The following ZBTB39 variants were observed in gnomAD, a reference collection of about 807,000 sequenced individuals.
ZBTB39 encodes zinc finger and BTB domain-containing protein 39.
ZBTB39 carries 25 observed loss-of-function variants against 39.4 expected under a neutral mutation model. The ratio of observed to expected loss-of-function variants is 0.63; its 90% CI spans 0.46 to 0.89. The LOEUF (loss-of-function observed/expected upper bound fraction) is 0.89. Ranked by LOEUF, ZBTB39 falls within the 40% of genes least tolerant of loss-of-function variation. The pLI is 0.00. For synonymous variants in ZBTB39, 373 were observed against 359.6 expected, an observed-to-expected ratio of 1.04 and a Z score of -0.42; for missense variants, 891 against 909.7, an observed-to-expected ratio of 0.98 and a Z score of 0.26.
At position 57,003,535 on chromosome 12, in the gene ZBTB39, G is replaced by A; in HGVS notation, c.1383C>T (p.Ala461=). 1 of 1,614,078 alleles carries A rather than the reference G, an allele frequency of 6.2e-7. No individual in the cohort carries two copies. Among genetic ancestry groups the A allele is most frequent in the Non-Finnish European group, 8.5e-7 (1 of 1,179,948 alleles). Residue 461 remains alanine, a synonymous_variant, in exon 2 of 2, where the codon GCC becomes GCT. Transcript: ENST00000300101. The surrounding 1 kb of genome is among the most constrained non-coding windows in gnomAD (Gnocchi z 4.8). ...GGCCCCGGACCACATGGAAATCTTT[G>A]GCCAATACTTTCCCACAGGCAGCGC... ...LKCAACGKVL[A]KDFHVVRGHI...
chr12:57,004,963 T>C lies in ZBTB39; in HGVS notation c.-44-2A>G. ...TACCTCCTTATCAGCACAGTTAATC[T>C]GTGGATAGCAAGAGAAAAAGATGGA... is the stretch of plus-strand genomic sequence containing the variant. On this transcript the variant is annotated splice_acceptor_variant, in intron 1 of 1. Coordinates refer to ENST00000300101, the MANE Select transcript of ZBTB39 (RefSeq NM_014830.3). LOFTEE classifies it low-confidence loss of function (5UTR_SPLICE). 1 of 1,522,030 alleles carries C rather than the reference T, an allele frequency of 6.6e-7. No homozygotes were observed. Among genetic ancestry groups the C allele is most frequent in the Non-Finnish European group, 8.8e-7 (1 of 1,130,810 alleles). The allele number at this position is 1,522,030 out of a possible 1,614,324, so 94.3% of individuals were successfully genotyped here. A position where few individuals can be genotyped will look rare whatever the true frequency, so the allele number is the denominator to read the frequency against.
intron 1 of ZBTB39, among the ~76,000 whole-genome samples, chr12:57,006,003 G>A (rs1956242851): frequency 6.6e-6 from 1 of 152,208 alleles, no homozygotes; most frequent in African/African-American, 2.4e-5. Context: ...CTGAACGATG[G>A]GCGGGTCGGA....
At position 57,004,130 on chromosome 12, in the gene ZBTB39, G is replaced by T; in HGVS notation, c.788C>A (p.Pro263His). ...AGTGGTAATGTCTACTGCATTGTCA[G>T]GGGTGAGGAAGCTGTTTTTACTGAA... ...GDFSKNSFLT[P>H]DNAVDITTGT... The change falls in exon 2 of 2, where the codon CCT becomes CAT. Residue 263 changes from proline to histidine, a missense_variant. Pro to His is a moderately conservative substitution (Grantham distance 77, BLOSUM62 -2). Coordinates refer to ENST00000300101, the MANE Select transcript of ZBTB39 (RefSeq NM_014830.3). 2 of 1,614,220 alleles carry T rather than the reference G, an allele frequency of 1.2e-6. No individual in the cohort carries two copies. The highest frequency in any genetic ancestry group is 1.7e-6 in the Non-Finnish European group (2 of 1,180,044).
chr12:57,006,222 G>C (rs1312380686), intron 1 of ZBTB39, among the ~76,000 whole-genome samples, 183 bp downstream of exon 1: 1 of 152,046 alleles, frequency 6.6e-6, no homozygotes, highest in Non-Finnish European at 1.5e-5. Flanking sequence ...AGCCTGTTGG[G>C]GGCATGGGGC....
In ZBTB39 at chr12:56,999,578, G is replaced by C. The variant is rs188138210; in HGVS notation, c.*3201C>G. ...TTCTTCCTAACTAGCCATGGACTACGGGAACTCCATGGAGTCATAAAATTT... is the reference window on the plus strand; with the variant it reads ...TTCTTCCTAACTAGCCATGGACTACCGGAACTCCATGGAGTCATAAAATTT... On this transcript the variant is annotated 3_prime_UTR_variant, in exon 2 of 2. Transcript: ENST00000300101. 6.6e-6 allele frequency: 1 copy of C among 152,106 alleles called. No individual in the cohort carries two copies. Among genetic ancestry groups the C allele is most frequent in the Non-Finnish European group, 1.5e-5 (1 of 68,016 alleles). The allele number at this position is 152,106 out of a possible 1,614,324, so 9.4% of individuals were successfully genotyped here.
Position 57,006,523 on chromosome 12 carries a change from C to T in ZBTB39, c.-163G>A, listed in dbSNP as rs1391465095. 1 of 145,914 alleles carries T rather than the reference C, an allele frequency of 6.9e-6. No individual in the cohort carries two copies. Among genetic ancestry groups the T allele is most frequent in the Admixed American group, 6.8e-5 (1 of 14,720 alleles). The allele number at this position is 145,914 out of a possible 1,614,324, so 9.0% of individuals were successfully genotyped here. On this transcript the variant is annotated 5_prime_UTR_variant, in exon 1 of 2. Transcript: ENST00000300101. ...CGGCCGCGGCCAGACTCTCCATCCG[C>T]CGCGCGGCTCGCCGCGACGGCCCGG...
In ZBTB39 at chr12:57,004,396, C is replaced by A; in HGVS notation, c.522G>T (p.Leu174Phe). The A allele has an allele frequency of 1.2e-6, 2 of 1,614,178 alleles. No individual in the cohort carries two copies. Among genetic ancestry groups the A allele is most frequent in the Non-Finnish European group, 8.5e-7 (1 of 1,180,044 alleles). ...TATAGCTCCCTCCAGCATCACTGGG[C>A]AACACATAGTTTCTATCAGCACCAA... ...DYLGADRNYV[L>F]PSDAGGSYKE... Residue 174 changes from leucine to phenylalanine, a missense_variant, in exon 2 of 2, where the codon TTG becomes TTT. By Grantham distance (22) the Leu-to-Phe change is conservative (BLOSUM62 0). Coordinates refer to ENST00000300101, the MANE Select transcript of ZBTB39 (RefSeq NM_014830.3).
Position 57,000,587 on chromosome 12 carries a change from C to T in ZBTB39, c.*2192G>A, listed in dbSNP as rs1956204689. On this transcript the variant is annotated 3_prime_UTR_variant, in exon 2 of 2. Transcript: ENST00000300101. The stretch of plus-strand genomic sequence containing the variant: ...TGCTCATGCTTGAAAATGTAGCAGA[C>T]ACTTGACTGTAGTCTGTTACACATT... 6.6e-6 allele frequency: 1 copy of T among 152,608 alleles called. No homozygotes were observed. The highest frequency in any genetic ancestry group is 2.1e-4 in the South Asian group (1 of 4,830). 9.5% of individuals were successfully genotyped at this position (152,608 alleles called of 1,614,324 possible). A position where few individuals can be genotyped will look rare whatever the true frequency, so the allele number is the denominator to read the frequency against.
rs773932090 is a variant in ZBTB39, at chr12:57,004,295, T to C, written c.623A>G (p.Lys208Arg). The C allele has an allele frequency of 1.9e-5, 30 of 1,614,050 alleles. No individual in the cohort carries two copies. The highest frequency in any genetic ancestry group is 1.6e-4 in the Middle Eastern group (1 of 6,084). ...AGCAGGGGTGTCATGGTCTTCTGTC[T>C]TTGGCGGTGGTGGGGGCGGTTGCGG... is the stretch of plus-strand genomic sequence containing the variant. ...HLPQPPPPPP[K>R]TEDHDTPAPF... Residue 208 changes from lysine (K) to arginine (R), a missense_variant, in exon 2 of 2, where the codon AAG becomes AGG. By Grantham distance (26) the Lys-to-Arg change is conservative. Transcript: ENST00000300101.
In ZBTB39 at chr12:57,003,985, C is replaced by T. The variant is rs1956229080; in HGVS notation, c.933G>A (p.Glu311=). 6.2e-7 allele frequency: 1 copy of T among 1,614,254 alleles called. No individual in the cohort carries two copies. Residue 311 remains glutamate, a synonymous_variant, in exon 2 of 2, where the codon GAG becomes GAA. Transcript: ENST00000300101. The surrounding 1 kb of genome is among the most constrained non-coding windows in gnomAD (Gnocchi z 4.8). ...TCACCTCCTCAGTTGTGCCTATATC[C>T]TCAGCAGGGTCTTCAAACTGCAAGT... ...DDDLQFEDPA[E]DIGTTEEVIE...
rs3741576 is a variant in ZBTB39 at position 57,002,853 on chromosome 12, G to T, written c.2065C>A (p.Pro689Thr). 89 of 1,614,118 alleles carry T rather than the reference G, an allele frequency of 5.5e-5. No individual in the cohort carries two copies. The highest frequency in any genetic ancestry group is 1.3e-4 in the East Asian group (6 of 44,896). ...HVGVHKGSLPPDFTIEQTFMY... is the reference protein window; with the variant it reads ...HVGVHKGSLPTDFTIEQTFMY... ...AAGGTCTGCTCGATGGTGAAGTCAGGGGGGAGGCTGCCTTTGTGCACACCA... is the reference window on the plus strand; with the variant it reads ...AAGGTCTGCTCGATGGTGAAGTCAGTGGGGAGGCTGCCTTTGTGCACACCA... Residue 689 changes from proline (P) to threonine (T), a missense_variant, in exon 2 of 2, where the codon CCT (proline) becomes ACT (threonine). Pro to Thr is a conservative substitution (Grantham distance 38, BLOSUM62 -1). Transcript: ENST00000300101.
At position 57,004,921 on chromosome 12, in the gene ZBTB39, A is replaced by C. The variant is rs770799904; in HGVS notation, c.-4T>G. The C allele has an allele frequency of 1.3e-5, 20 of 1,579,340 alleles. No homozygotes were observed. Among genetic ancestry groups the C allele is most frequent in the Non-Finnish European group, 1.6e-5 (19 of 1,159,566 alleles). On this transcript the variant is annotated 5_prime_UTR_variant, in exon 2 of 2. Transcript: ENST00000300101. ...GCAGTTTGATCCTCATGCCCATCTTAGCAGCTCCTATGAAATTACCTCCTT... is the reference window on the plus strand; with the variant it reads ...GCAGTTTGATCCTCATGCCCATCTTCGCAGCTCCTATGAAATTACCTCCTT...
At position 57,003,316 on chromosome 12, in the gene ZBTB39, T is replaced by C; in HGVS notation, c.1602A>G (p.Glu534=). Residue 534 remains glutamate, a synonymous_variant, in exon 2 of 2, where the codon GAA becomes GAG. Transcript: ENST00000300101. This position sits in a 1 kb window ranked among gnomAD's most constrained non-coding sequence, Gnocchi z 4.8. ...EKHMAVHQSL[E]DALFHCRLCS... ...ACAAGCGGCAGTGGAAGAGGGCGTCTTCCAGACTTTGGTGCACAGCCATGT... is the reference window on the plus strand; with the variant it reads ...ACAAGCGGCAGTGGAAGAGGGCGTCCTCCAGACTTTGGTGCACAGCCATGT... The C allele has an allele frequency of 6.2e-7, 1 of 1,614,020 alleles. No homozygotes were observed. The highest frequency in any genetic ancestry group is 8.5e-7 in the Non-Finnish European group (1 of 1,179,916).
Position 57,000,800 on chromosome 12 carries a change from CAG to C in ZBTB39, c.*1977_*1978del, listed in dbSNP as rs1008532592. ...TCCCTTCATCTAATGGTCACCCCAC[CAG>C]AGAGCCAGGCACTCCAACTCTGAGG... On this transcript the variant is annotated 3_prime_UTR_variant, in exon 2 of 2. Transcript: ENST00000300101. The C allele has an allele frequency of 1.3e-5, 2 of 152,260 alleles. No individual in the cohort carries two copies. The highest frequency in any genetic ancestry group is 4.8e-5 in the African/African-American group (2 of 41,446). 9.4% of individuals were successfully genotyped at this position (152,260 alleles called of 1,614,324 possible). A position where few individuals can be genotyped will look rare whatever the true frequency, so the allele number is the denominator to read the frequency against.
rs1171372816 is a variant in ZBTB39 at position 57,004,034 on chromosome 12, T to A, written c.884A>T (p.Gln295Leu). The A allele has an allele frequency of 3.1e-6, 5 of 1,614,272 alleles. No homozygotes were observed. The Admixed American group carries it at 5.0e-5, about 16-fold the overall frequency. The change falls in exon 2 of 2, where the codon CAG becomes CTG. Residue 295 changes from glutamine (Q) to leucine (L), a missense_variant. Coordinates refer to ENST00000300101, the MANE Select transcript of ZBTB39 (RefSeq NM_014830.3). ...GTCATCATCCCCCAGGTCCTCGAGCTGGAGCTCATCCATCTGCCCAAAGCC... is the reference window on the plus strand; with the variant it reads ...GTCATCATCCCCCAGGTCCTCGAGCAGGAGCTCATCCATCTGCCCAAAGCC... The part of the protein sequence containing the change: ...DPGFGQMDEL[Q>L]LEDLGDDDLQ...
chr12:57,003,025 C>T lies in ZBTB39; in HGVS notation c.1893G>A (p.Lys631=). 5 of 1,614,192 alleles carry T rather than the reference C, an allele frequency of 3.1e-6. No homozygotes were observed. Among genetic ancestry groups the T allele is most frequent in the Non-Finnish European group, 4.2e-6 (5 of 1,180,034 alleles). The change falls in exon 2 of 2, where the codon AAG becomes AAA. Residue 631 remains lysine, a synonymous_variant. Transcript: ENST00000300101. This position sits in a 1 kb window ranked among gnomAD's most constrained non-coding sequence, Gnocchi z 4.8. ...TGTGGCACACCTTACATTGGTATGG[C>T]TTCTCCCCCGTGTGGATCCGCCGGT... ...NYHRRIHTGE[K]PYQCKVCHKF...
In ZBTB39 at chr12:57,003,798, A is replaced by G; in HGVS notation, c.1120T>C (p.Cys374Arg). ...RDHVDLLTGN[C>R]KVCETHFQDR... ...TGGAAGTGGGTCTCGCAGACCTTGCAGTTGCCCGTCAGCAGGTCCACATGG... is the reference window on the plus strand; with the variant it reads ...TGGAAGTGGGTCTCGCAGACCTTGCGGTTGCCCGTCAGCAGGTCCACATGG... Residue 374 changes from cysteine to arginine, a missense_variant, in exon 2 of 2, where the codon TGC becomes CGC. Cys to Arg is a radical substitution (Grantham distance 180, BLOSUM62 -3). Transcript: ENST00000300101. The surrounding 1 kb of genome is among the most constrained non-coding windows in gnomAD (Gnocchi z 4.8). 6.2e-7 allele frequency: 1 copy of G among 1,614,210 alleles called. No individual in the cohort carries two copies. The highest frequency in any genetic ancestry group is 8.5e-7 in the Non-Finnish European group (1 of 1,180,024).
chr12:57,003,002 T>A lies in ZBTB39; in HGVS notation c.1916A>T (p.His639Leu), dbSNP rs563732046. 1.2e-6 allele frequency: 2 copies of A among 1,614,242 alleles called. No individual in the cohort carries two copies. Among genetic ancestry groups the A allele is most frequent in the Non-Finnish European group, 1.7e-6 (2 of 1,180,036 alleles). The stretch of plus-strand genomic sequence containing the variant: ...GGTCGAGCGGCCTCGAAAGAACTTG[T>A]GGCACACCTTACATTGGTATGGCTT... ...GEKPYQCKVC[H>L]KFFRGRSTIK... Residue 639 changes from histidine (H) to leucine (L), a missense_variant, in exon 2 of 2, where the codon CAC (histidine) becomes CTC (leucine). His to Leu is a moderately conservative substitution (Grantham distance 99). Coordinates refer to ENST00000300101, the MANE Select transcript of ZBTB39 (RefSeq NM_014830.3). This position sits in a 1 kb window ranked among gnomAD's most constrained non-coding sequence, Gnocchi z 4.8.
rs1956236444 is a variant in ZBTB39 at position 57,004,907 on chromosome 12, C to A, written c.11G>T (p.Arg4Met). 1 of 1,594,306 alleles carries A rather than the reference C, an allele frequency of 6.3e-7. No homozygotes were observed. Among genetic ancestry groups the A allele is most frequent in the Admixed American group, 1.7e-5 (1 of 58,976 alleles). The change falls in exon 2 of 2, where the codon AGG (arginine) becomes ATG (methionine). Residue 4 changes from arginine (R) to methionine (M), a missense_variant. Coordinates refer to ENST00000300101, the MANE Select transcript of ZBTB39 (RefSeq NM_014830.3). ...GTGGTTGGTGCTTTGCAGTTTGATC[C>A]TCATGCCCATCTTAGCAGCTCCTAT... is the stretch of plus-strand genomic sequence containing the variant. MGM[R>M]IKLQSTNHPN...
Sources: gnomAD v4.1 joint callset for allele counts (sites outside exome capture counted in the v4.1 genomes callset) on GRCh38, gnomAD v4.1.1 for gene constraint, Gnocchi (gnomAD v3.1) non-coding constraint, MANE v1.5 for transcripts, NCBI Gene and HGNC (gene_info 2026-07-23, HGNC 2026-07-21) for gene names.